The following PKHD1 variants were observed in gnomAD, a reference collection of about 807,000 sequenced individuals.
PKHD1 encodes the protein fibrocystin.
In PKHD1, 291 loss-of-function variants were observed where a neutral mutation model predicts 412.0. The observed-to-expected ratio is 0.71, with a 90% CI of 0.64 to 0.78. PKHD1 has a LOEUF of 0.78. PKHD1 is among the 30% of genes least tolerant of loss of function. The probability of loss-of-function intolerance (pLI) is 0.00; values close to 1 mark genes in which losing one functional copy is unlikely to be tolerated. For missense variants in PKHD1, 4,825 were observed against 4,950.7 expected (o/e 0.97, Z 0.76); for synonymous variants, 1,777 against 1,821.5 (o/e 0.98, Z 0.62).
intron 36 of PKHD1, among the ~76,000 whole-genome samples, chr6:51,947,141 A>G (rs766043634): frequency 1.3e-5 from 2 of 152,214 alleles, no homozygotes; most frequent in Non-Finnish European, 2.9e-5. Context: ...AAGGCCACAG[A>G]TGGCAACCAC....
chr6:51,626,836 G>A (rs1767295675), intron 66 of PKHD1, among the ~76,000 whole-genome samples, 161 bp downstream of exon 66: 1 of 152,118 alleles, frequency 6.6e-6, no homozygotes. Context: ...CCAGACCTGT[G>A]TATTTTTCTG....
chr6:51,769,875 T>C (rs1384378848), intron 55 of PKHD1, among the ~76,000 whole-genome samples: 4 of 151,668 alleles, frequency 2.6e-5, no homozygotes, highest in African/African-American at 9.7e-5. Context: ...GGTAAAGTTT[T>C]GATATTTTCT....
chr6:51,920,630 G>A (rs1438907855), intron 37 of PKHD1, among the ~76,000 whole-genome samples: 2 of 152,194 alleles, frequency 1.3e-5, no homozygotes, highest in African/African-American at 4.8e-5. Context: ...TCAGAATGAT[G>A]CTGGATAAAA....
At chr6:51,981,468 GCTACGC>G (rs1272830581) in intron 35 of PKHD1, among the ~76,000 whole-genome samples, 4 of 151,790 alleles carry the variant, frequency 2.6e-5, no homozygotes, top group African/African-American at 9.6e-5. Flanking sequence ...GCCTCAGCCT[GCTACGC>G]CTCACTGGTT....
chr6:51,663,431 A>G (rs1773189337), intron 60 of PKHD1, among the ~76,000 whole-genome samples: 1 of 152,120 alleles, frequency 6.6e-6, no homozygotes, highest in African/African-American at 2.4e-5. Context: ...TTTGTTGATG[A>G]TTCTCAATCA....
At chr6:51,836,789 T>C (rs1769308406) in intron 50 of PKHD1, among the ~76,000 whole-genome samples, 1 of 152,236 alleles carries the variant, frequency 6.6e-6, no homozygotes, top group Admixed American at 6.5e-5. Flanking sequence ...ATATACCTCA[T>C]ATCCTATTTT....
At chr6:52,042,763 GA>G (rs1274560863) in intron 27 of PKHD1, 95 bp downstream of exon 27, 23 of 1,103,312 alleles carry the variant, frequency 2.1e-5, no homozygotes, top group Non-Finnish European at 2.9e-5. Flanking sequence ...GAGTCACAGT[GA>G]ATATGGAATT....
chr6:51,766,252 T>C (rs147994965), intron 55 of PKHD1, among the ~76,000 whole-genome samples: 1 of 152,206 alleles, frequency 6.6e-6, no homozygotes, highest in African/African-American at 2.4e-5. Context: ...CACCAAAGCA[T>C]ACCTATCAAG....
intron 50 of PKHD1, among the ~76,000 whole-genome samples, chr6:51,846,526 G>A (rs946617691): frequency 3.9e-5 from 6 of 152,170 alleles, no homozygotes; most frequent in African/African-American, 9.7e-5. Context: ...AGTGAGCTGC[G>A]ATTGGAACAA....
chr6:51,886,466 TA>T (rs1459242779), intron 44 of PKHD1, among the ~76,000 whole-genome samples: 1 of 152,194 alleles, frequency 6.6e-6, no homozygotes, highest in Non-Finnish European at 1.5e-5. Flanking sequence ...ATTCAGCCTT[TA>T]AAGAGAAGGA....
At chr6:51,816,035 T>C (rs1765407046) in intron 52 of PKHD1, among the ~76,000 whole-genome samples, 5 of 152,134 alleles carry the variant, frequency 3.3e-5, no homozygotes, top group Admixed American at 3.3e-4. Context: ...ATATTAAAAC[T>C]CAAGTAAGTG....
In PKHD1 at chr6:52,043,036, T is replaced by C; in HGVS notation, c.2920A>G (p.Ile974Val). The change falls in exon 27 of 67, where the codon ATT (isoleucine) becomes GTT (valine). Residue 974 changes from isoleucine to valine, a missense_variant. Physicochemically the swap from Ile to Val is conservative, Grantham distance 29 (BLOSUM62 3). Coordinates refer to ENST00000371117, the MANE Select transcript of PKHD1 (RefSeq NM_138694.4). The stretch of plus-strand genomic sequence containing the variant: ...ACTACATTGGTCTGGTTTGAGAAAA[T>C]AACTTTGCAACTCGTTTTGTTCACT... ...VTVNKTSCKV[I>V]FSNQTNVVCQ... 6.2e-7 allele frequency: 1 copy of C among 1,614,032 alleles called. No individual in the cohort carries two copies. Among genetic ancestry groups the C allele is most frequent in the South Asian group, 1.1e-5 (1 of 91,086 alleles).
intron 37 of PKHD1, among the ~76,000 whole-genome samples, chr6:51,915,319 C>A (rs1407972074): frequency 2.0e-5 from 3 of 152,078 alleles, no homozygotes; most frequent in African/African-American, 7.2e-5. Flanking sequence ...AGTAGGCAAA[C>A]CCTGTATATA....
chr6:51,715,070 A>C (rs1277844803), intron 60 of PKHD1, among the ~76,000 whole-genome samples: 3 of 152,114 alleles, frequency 2.0e-5, no homozygotes, highest in African/African-American at 7.2e-5. Context: ...CAGAGTAACC[A>C]TCTCCATCCT....
At chr6:51,888,540 T>G (rs1778572834) in intron 43 of PKHD1, among the ~76,000 whole-genome samples, 1 of 151,932 alleles carries the variant, frequency 6.6e-6, no homozygotes, top group Admixed American at 6.6e-5. Flanking sequence ...AAATTCAGAC[T>G]TTCAGCTTTT....
intron 55 of PKHD1, among the ~76,000 whole-genome samples, chr6:51,770,194 T>A (rs2151119677): frequency 6.6e-6 from 1 of 151,952 alleles, no homozygotes; most frequent in African/African-American, 2.4e-5. Context: ...TTTGTTTCTG[T>A]CAATTTCACC....
At chr6:51,891,633 G>T (rs763069933) in intron 43 of PKHD1, among the ~76,000 whole-genome samples, 1 of 151,688 alleles carries the variant, frequency 6.6e-6, no homozygotes, top group East Asian at 1.9e-4. Context: ...CACTGGCAGT[G>T]ATAATATAGC....
At chr6:51,942,540 C>T (rs1177097713) in intron 36 of PKHD1, among the ~76,000 whole-genome samples, 1 of 151,536 alleles carries the variant, frequency 6.6e-6, no homozygotes, top group Non-Finnish European at 1.5e-5. Flanking sequence ...CCGCAATTAC[C>T]ACTGTTCCTG....
At position 51,753,280 on chromosome 6, in the gene PKHD1, T is replaced by TGTCAGGCTGA. The variant is rs1786411606; in HGVS notation, c.8870_8871insTCAGCCTGAC (p.Ile2959ProfsTer7). 1 of 1,613,660 alleles carries TGTCAGGCTGA rather than the reference T, an allele frequency of 6.2e-7. No homozygotes were observed. Among genetic ancestry groups the TGTCAGGCTGA allele is most frequent in the Non-Finnish European group, 8.5e-7 (1 of 1,179,736 alleles). On this transcript the variant is annotated frameshift_variant, in exon 57 of 67. Coordinates refer to ENST00000371117, the MANE Select transcript of PKHD1 (RefSeq NM_138694.4). LOFTEE classifies it high-confidence loss of function. ...TACATGATACGTCAGGCTGAATTTG[T>TGTCAGGCTGA]ATATTTCGGGTCAACAGTCCAACCT...
Sources: allele counts gnomAD v4.1 joint callset (sites outside exome capture counted in the v4.1 genomes callset), GRCh38; gene constraint gnomAD v4.1.1; transcripts MANE v1.5; gene names NCBI Gene and HGNC (gene_info 2026-07-23, HGNC 2026-07-21).